Variants in ADAMTS6 observed in about 807,000 individuals in gnomAD.
The protein encoded by ADAMTS6 is A disintegrin and metalloproteinase with thrombospondin motifs 6.
In ADAMTS6, 23 loss-of-function variants were observed where a neutral mutation model predicts 144.3. The observed-to-expected ratio is 0.16, with a 90% CI of 0.11 to 0.23. The LOEUF (loss-of-function observed/expected upper bound fraction) is 0.23, where lower values mean the gene tolerates loss of function less well. Among genes scored for constraint, ADAMTS6 ranks in the 10% least tolerant of loss-of-function variants. The probability of loss-of-function intolerance (pLI) is 1.00; values close to 1 mark genes in which losing one functional copy is unlikely to be tolerated. For missense variants in ADAMTS6, 999 were observed against 1,379.6 expected (o/e 0.72, Z 4.37); for synonymous variants, 444 against 457.5 (o/e 0.97, Z 0.38).
intron 16 of ADAMTS6, 139 bp from the exon 17 acceptor site, chr5:65,225,186 T>C (rs1757639033): frequency 2.0e-6 from 2 of 1,019,804 alleles, no homozygotes; most frequent in African/African-American, 1.6e-5. Flanking sequence ...ATAAAAACCA[T>C]ACTTGGGTCT....
chr5:65,191,632 T>TA (rs1692459702), intron 21 of ADAMTS6, among the ~76,000 whole-genome samples: 1 of 150,230 alleles, frequency 6.7e-6, no homozygotes, highest in Non-Finnish European at 1.5e-5. Flanking sequence ...CTTACAAAGA[T>TA]AAAAAACTTT....
chr5:65,374,468 GACAA>G (rs1376485918), intron 7 of ADAMTS6, among the ~76,000 whole-genome samples: 5 of 149,542 alleles, frequency 3.3e-5, no homozygotes, highest in East Asian at 2.0e-4. Context: ...ACCAACAACA[GACAA>G]ACAGAGAGCC....
chr5:65,256,900 C>T (rs774223396), intron 14 of ADAMTS6, among the ~76,000 whole-genome samples: 14 of 151,174 alleles, frequency 9.3e-5, no homozygotes, highest in African/African-American at 3.2e-4. Flanking sequence ...AGATTCACAC[C>T]GTTCATCCAA....
intron 9 of ADAMTS6, among the ~76,000 whole-genome samples, chr5:65,300,353 A>G (rs1327688879): frequency 6.6e-6 from 1 of 152,244 alleles, no homozygotes; most frequent in Non-Finnish European, 1.5e-5. Context: ...ATGTAATCAC[A>G]TACTCTCACC....
chr5:65,395,385 T>C (rs1261614607), intron 7 of ADAMTS6, among the ~76,000 whole-genome samples: 2 of 152,192 alleles, frequency 1.3e-5, no homozygotes, highest in African/African-American at 2.4e-5. Context: ...TTTGATTTAA[T>C]GAATGCCAAG....
intron 7 of ADAMTS6, among the ~76,000 whole-genome samples, chr5:65,449,784 T>C (rs1198833712): frequency 6.6e-6 from 1 of 152,158 alleles, no homozygotes; most frequent in Non-Finnish European, 1.5e-5. Flanking sequence ...GACAGCTGAA[T>C]GTTGTAGCCA....
chr5:65,272,185 A>G (rs1762107015), intron 12 of ADAMTS6, among the ~76,000 whole-genome samples: 1 of 152,234 alleles, frequency 6.6e-6, no homozygotes, highest in South Asian at 2.1e-4. Context: ...TGTTGAAACT[A>G]GCCCAGCTAA....
chr5:65,313,772 C>T (rs1744724031), intron 9 of ADAMTS6, among the ~76,000 whole-genome samples: 1 of 151,740 alleles, frequency 6.6e-6, no homozygotes, highest in Non-Finnish European at 1.5e-5. Context: ...GTTTCCATAC[C>T]AGAAAAAACT....
chr5:65,359,424 A>T (rs1329890592), intron 7 of ADAMTS6, among the ~76,000 whole-genome samples: 1 of 152,136 alleles, frequency 6.6e-6, no homozygotes, highest in Admixed American at 6.5e-5. Flanking sequence ...GTTACAGAGG[A>T]TGTAGAGAAA....
At chr5:65,276,574 C>T (rs1170472815) in intron 11 of ADAMTS6, among the ~76,000 whole-genome samples, 14 of 152,164 alleles carry the variant, frequency 9.2e-5, no homozygotes, top group Admixed American at 9.2e-4. Flanking sequence ...CCTAAATGAA[C>T]TTGAGATCAA....
intron 4 of ADAMTS6, among the ~76,000 whole-genome samples, chr5:65,458,375 G>C (rs1345940680): frequency 6.6e-6 from 1 of 152,110 alleles, no homozygotes; most frequent in Non-Finnish European, 1.5e-5. Context: ...GAAACAAAAG[G>C]ATAATACATA....
At chr5:65,391,670 G>C (rs1752925671) in intron 7 of ADAMTS6, among the ~76,000 whole-genome samples, 1 of 151,244 alleles carries the variant, frequency 6.6e-6, no homozygotes. Context: ...ATTATATTTA[G>C]CTGTCATATC....
At chr5:65,412,409 C>T (rs979334211) in intron 7 of ADAMTS6, among the ~76,000 whole-genome samples, 1 of 152,090 alleles carries the variant, frequency 6.6e-6, no homozygotes, top group East Asian at 1.9e-4. Flanking sequence ...TACACACATA[C>T]ACACATGCAC....
chr5:65,356,841 A>G (rs755209763), intron 7 of ADAMTS6, among the ~76,000 whole-genome samples: 4 of 151,904 alleles, frequency 2.6e-5, no homozygotes, highest in African/African-American at 4.8e-5. Context: ...GTTTCAGAGA[A>G]TAAGCATTGA....
chr5:65,468,354 T>C (rs765612310), intron 3 of ADAMTS6, among the ~76,000 whole-genome samples: 2 of 148,500 alleles, frequency 1.3e-5, no homozygotes, highest in African/African-American at 2.5e-5. Context: ...ATTAAAAATG[T>C]AACATCCATA....
intron 18 of ADAMTS6, among the ~76,000 whole-genome samples, chr5:65,217,955 A>T (rs1757050921): frequency 6.6e-6 from 1 of 152,146 alleles, no homozygotes; most frequent in Non-Finnish European, 1.5e-5. Flanking sequence ...TGCAGAGACC[A>T]TGATCTCCAC....
chr5:65,219,313 A>G (rs1298107073), intron 18 of ADAMTS6, among the ~76,000 whole-genome samples: 2 of 152,196 alleles, frequency 1.3e-5, no homozygotes, highest in Non-Finnish European at 2.9e-5. Context: ...AGACTGTAAG[A>G]TTTACTGTCT....
intron 7 of ADAMTS6, among the ~76,000 whole-genome samples, chr5:65,337,129 A>G (rs1177964713): frequency 3.3e-5 from 5 of 152,120 alleles, no homozygotes. Flanking sequence ...TAAATCTGAA[A>G]CATTAAAGTT....
At position 65,371,283 on chromosome 5, in the gene ADAMTS6, C is replaced by T. The variant is rs188537067; in HGVS notation, c.1074-37198G>A. On this transcript the variant is annotated intron_variant, in intron 7 of 24. Coordinates refer to ENST00000381055, the MANE Select transcript of ADAMTS6 (RefSeq NM_197941.4). ...AAAGCTGGACGGAGAATGACTTTGA[C>T]GAGCTGAGAGAAGAAGGCTTCAAAC... Among the ~76,000 whole-genome samples, 382 of 152,282 alleles carry T rather than the reference C, an allele frequency of 2.5e-3. 2 individuals are homozygous for T. The highest frequency in any genetic ancestry group is 4.3e-3 in the Non-Finnish European group (292 of 68,028).
Sources: allele counts gnomAD v4.1 joint callset (sites outside exome capture counted in the v4.1 genomes callset), GRCh38; gene constraint gnomAD v4.1.1; transcripts MANE v1.5; gene names NCBI Gene and HGNC (gene_info 2026-07-23, HGNC 2026-07-21).